NQO1: variants seen among roughly 807,000 people sequenced by gnomAD.
NQO1 encodes the protein NAD(P)H quinone dehydrogenase 1.
NQO1 carries 30 observed loss-of-function variants against 32.1 expected under a neutral mutation model. That is an observed-to-expected ratio of 0.94 (90% CI 0.70 to 1.27). The LOEUF is 1.27. Among genes scored for constraint, NQO1 ranks in the 50% most tolerant of loss-of-function variants. NQO1 has a pLI of 0.00. For missense variants in NQO1, 276 were observed against 331.3 expected, an observed-to-expected ratio of 0.83 and a Z score of 1.30; for synonymous variants, 109 against 119.7, an observed-to-expected ratio of 0.91 and a Z score of 0.59.
At chr16:69,718,906 G>A (rs1406535568) in intron 1 of NQO1, among the ~76,000 whole-genome samples, 10 of 151,872 alleles carry the variant, frequency 6.6e-5, no homozygotes, top group Non-Finnish European at 1.0e-4. Context: ...GTGGTGGCAG[G>A]CACCTGTAAT....
At chr16:69,713,276 A>G (rs2038065439) in intron 4 of NQO1, 147 bp from the exon 5 acceptor site, 1 of 636,728 alleles carries the variant, frequency 1.6e-6, no homozygotes, top group Non-Finnish European at 2.7e-6. Flanking sequence ...CCCCTGAGCT[A>G]CATAATATGA....
chr16:69,718,240 G>T lies in NQO1; in HGVS notation c.186C>A (p.Asp62Glu). The change falls in exon 3 of 6, where the codon GAC (aspartate) becomes GAA (glutamate). Residue 62 changes from aspartate to glutamate, a missense_variant. Transcript: ENST00000320623. ...CGGCAGGATACTGAAAGTTCGCAGG[G>T]TCCTTCAGTTTACCTGCAGAGAAGA... The part of the protein sequence containing the change: ...SRKDITGKLK[D>E]PANFQYPAES... 6.2e-7 allele frequency: 1 copy of T among 1,614,156 alleles called. No homozygotes were observed. Among genetic ancestry groups the T allele is most frequent in the Non-Finnish European group, 8.5e-7 (1 of 1,180,042 alleles).
At chr16:69,720,146 C>T (rs1483681710) in intron 1 of NQO1, among the ~76,000 whole-genome samples, 1 of 152,004 alleles carries the variant, frequency 6.6e-6, no homozygotes, top group Non-Finnish European at 1.5e-5. Flanking sequence ...GTAGTCCCAA[C>T]TACTCAGGAG....
rs376881558 is a variant in NQO1 at position 69,711,903 on chromosome 16, C to T, written c.520-622G>A. On this transcript the variant is annotated intron_variant, in intron 5 of 5. Coordinates refer to ENST00000320623, the MANE Select transcript of NQO1 (RefSeq NM_000903.3). The stretch of plus-strand genomic sequence containing the variant: ...TCCTGACCTCAAGTGATCCGCCTGC[C>T]TCAGTCTCCCAAAGTGCTGGGATTA... Among the ~76,000 whole-genome samples the T allele has an allele frequency of 2.4e-4, 37 of 152,218 alleles. No homozygotes were observed. The South Asian group carries it at 4.4e-3, about 18-fold the overall frequency.
intron 4 of NQO1, among the ~76,000 whole-genome samples, chr16:69,714,696 A>T (rs2038088965): frequency 6.7e-6 from 1 of 150,098 alleles, no homozygotes; most frequent in Admixed American, 6.7e-5. Flanking sequence ...CCTGACCAAC[A>T]TGGAGAAACC....
Position 69,717,900 on chromosome 16 carries a change from C to T in NQO1, c.303+223G>A, listed in dbSNP as rs546229033. The T allele has an allele frequency of 4.7e-4, 284 of 599,868 alleles. 7 individuals are homozygous for T. In the South Asian group the frequency reaches 5.1e-3, roughly 11 times the overall value. 37.2% of individuals were successfully genotyped at this position (599,868 alleles called of 1,614,324 possible). A position where few individuals can be genotyped will look rare whatever the true frequency, so the allele number is the denominator to read the frequency against. On this transcript the variant is annotated intron_variant, in intron 3 of 5. Coordinates refer to ENST00000320623, the MANE Select transcript of NQO1 (RefSeq NM_000903.3). ...TGCTGGGATTACAGGCGTGAGCCACCGTGCCTGGCCTTGCAGTTGCATTTA... is the reference window on the plus strand; with the variant it reads ...TGCTGGGATTACAGGCGTGAGCCACTGTGCCTGGCCTTGCAGTTGCATTTA...
intron 1 of NQO1, among the ~76,000 whole-genome samples, chr16:69,722,061 T>C (rs1021287516): frequency 6.6e-6 from 1 of 151,594 alleles, no homozygotes; most frequent in Non-Finnish European, 1.5e-5. Flanking sequence ...GAAAGGACGC[T>C]TACCCCCACA....
chr16:69,726,166 G>A (rs889913263), intron 1 of NQO1, among the ~76,000 whole-genome samples: 4 of 152,192 alleles, frequency 2.6e-5, no homozygotes, highest in Admixed American at 6.5e-5. Context: ...CAGTTTTGGA[G>A]GGAATTTCTG....
chr16:69,721,255 G>T (rs988984521), intron 1 of NQO1, among the ~76,000 whole-genome samples: 1 of 152,122 alleles, frequency 6.6e-6, no homozygotes, highest in Non-Finnish European at 1.5e-5. Flanking sequence ...CAAAATTCAG[G>T]TGCTGCCAAT....
intron 1 of NQO1, among the ~76,000 whole-genome samples, chr16:69,722,454 C>A (rs1008393027): frequency 6.6e-6 from 1 of 151,634 alleles, no homozygotes; most frequent in African/African-American, 2.4e-5. Context: ...GCCACCGCGC[C>A]CAGCCGGCAT....
intron 4 of NQO1, among the ~76,000 whole-genome samples, chr16:69,714,622 G>T (rs948632531): frequency 6.6e-6 from 1 of 151,004 alleles, no homozygotes; most frequent in Non-Finnish European, 1.5e-5. Context: ...GCTCACACCG[G>T]TAATCACAGC....
rs142706200 is a variant in NQO1 at position 69,726,287 on chromosome 16, C to G, written c.7+146G>C. 3.3e-5 allele frequency: 37 copies of G among 1,127,686 alleles called. No individual in the cohort carries two copies. In the African/African-American group the frequency reaches 5.4e-4, roughly 16 times the overall value. 69.9% of individuals were successfully genotyped at this position (1,127,686 alleles called of 1,614,324 possible). ...AGCTCTCCTTCTCCCGGAGTCCGAT[C>G]AAGGCTCATCCCAGGTCCCTAATCT... On this transcript the variant is annotated intron_variant, in intron 1 of 5. Coordinates refer to ENST00000320623, the MANE Select transcript of NQO1 (RefSeq NM_000903.3).
chr16:69,712,291 T>A (rs1175728760), intron 5 of NQO1, among the ~76,000 whole-genome samples: 1 of 151,796 alleles, frequency 6.6e-6, no homozygotes, highest in East Asian at 1.9e-4. Flanking sequence ...TTGCCCAGGC[T>A]GGTCTCAAAG....
At chr16:69,718,343 A>G in intron 2 of NQO1, 27 bp downstream of exon 2, 1 of 1,613,956 alleles carries the variant, frequency 6.2e-7, no homozygotes. Context: ...AGAACTAATT[A>G]AAGAGGGGAG....
chr16:69,726,311 C>A lies in NQO1; in HGVS notation c.7+122G>T, dbSNP rs2038261186. ...TCAAGGCTCATCCCAGGTCCCTAAT[C>A]TCTTCCCTTTGTGGGTTTTGAGTCA... On this transcript the variant is annotated intron_variant, in intron 1 of 5. Coordinates refer to ENST00000320623, the MANE Select transcript of NQO1 (RefSeq NM_000903.3). 7 of 1,395,234 alleles carry A rather than the reference C, an allele frequency of 5.0e-6. No homozygotes were observed. The South Asian group carries it at 6.6e-5, about 13-fold the overall frequency. The allele number at this position is 1,395,234 out of a possible 1,614,324, so 86.4% of individuals were successfully genotyped here. A position where few individuals can be genotyped will look rare whatever the true frequency, so the allele number is the denominator to read the frequency against.
At chr16:69,717,105 G>GA (rs373749846) in intron 3 of NQO1, among the ~76,000 whole-genome samples, 40 of 144,856 alleles carry the variant, frequency 2.8e-4, no homozygotes, top group African/African-American at 4.6e-4. Flanking sequence ...GAGAGAGAGA[G>GA]AAAAAAAAAA....
intron 3 of NQO1, 109 bp downstream of exon 3, chr16:69,718,014 G>T: frequency 7.1e-7 from 1 of 1,403,024 alleles, no homozygotes; most frequent in Non-Finnish European, 9.8e-7. Context: ...TATTTGCAGA[G>T]AATGCAGTAA....
intron 5 of NQO1, among the ~76,000 whole-genome samples, chr16:69,711,922 G>A (rs2038047302): frequency 6.6e-6 from 1 of 151,914 alleles, no homozygotes; most frequent in Non-Finnish European, 1.5e-5. Context: ...CCAAAGTGCT[G>A]GGATTACAGG....
intron 1 of NQO1, among the ~76,000 whole-genome samples, chr16:69,721,183 G>A (rs1473905312): frequency 6.6e-6 from 1 of 151,994 alleles, no homozygotes; most frequent in South Asian, 2.1e-4. Flanking sequence ...GAGCAACCAC[G>A]CCCGGCCTGC....
Sources: gnomAD v4.1 joint callset for allele counts (sites outside exome capture counted in the v4.1 genomes callset) on GRCh38, gnomAD v4.1.1 for gene constraint, MANE v1.5 for transcripts, NCBI Gene and HGNC (gene_info 2026-07-23, HGNC 2026-07-21) for gene names.